RFTN1: variants seen among roughly 807,000 people sequenced by gnomAD.
RFTN1 encodes the protein raftlin.
A neutral mutation model predicts 46.5 loss-of-function variants in RFTN1; 26 were observed. That is an observed-to-expected ratio of 0.56 (90% confidence interval 0.41 to 0.78). The LOEUF (loss-of-function observed/expected upper bound fraction) is 0.78. Among genes scored for constraint, RFTN1 ranks in the 30% least tolerant of loss-of-function variants. The pLI, the probability that RFTN1 is intolerant of heterozygous loss-of-function variation, is 0.00. For missense variants in RFTN1, 693 were observed against 718.7 expected, an observed-to-expected ratio of 0.96 and a Z score of 0.41; for synonymous variants, 261 against 284.2, an observed-to-expected ratio of 0.92 and a Z score of 0.82.
At position 16,380,284 on chromosome 3, in the gene RFTN1, A is replaced by G. The variant is rs2073941389; in HGVS notation, c.442-2182T>C. ...TTGCAGTTGCACTGAAACTTAGTTT[A>G]GACATTACATATGGCAAGTGCGCCA... On this transcript the variant is annotated intron_variant, in intron 4 of 9. Coordinates refer to ENST00000334133, the MANE Select transcript of RFTN1 (RefSeq NM_015150.2). The surrounding 1 kb of genome is among the most constrained non-coding windows in gnomAD (Gnocchi z 4.8). Among the ~76,000 whole-genome samples, 1 of 152,240 alleles carries G rather than the reference A, an allele frequency of 6.6e-6. No homozygotes were observed.
At chr3:16,409,349 A>C in intron 4 of RFTN1, 26 bp downstream of exon 4, 1 of 1,496,186 alleles carries the variant, frequency 6.7e-7, no homozygotes, top group Non-Finnish European at 9.3e-7. Context: ...AAACCTCTTC[A>C]ATGGTACCCT....
intron 1 of RFTN1, among the ~76,000 whole-genome samples, chr3:16,510,524 T>C (rs1033926247): frequency 6.6e-6 from 1 of 152,228 alleles, no homozygotes; most frequent in Non-Finnish European, 1.5e-5. Flanking sequence ...AGGGACTTCC[T>C]ATGGCCCCTC....
rs567674676 is a variant in RFTN1 at position 16,475,973 on chromosome 3, A to T, written c.145+17752T>A. Among the ~76,000 whole-genome samples, 10 of 152,332 alleles carry T rather than the reference A, an allele frequency of 6.6e-5. No homozygotes were observed. Among genetic ancestry groups the T allele is most frequent in the Admixed American group, 4.6e-4 (7 of 15,306 alleles). The stretch of plus-strand genomic sequence containing the variant: ...AGTGTGAATACTGCATGAAGCATAG[A>T]CACATCATAGGCAGAAACAAAGCTG... On this transcript the variant is annotated intron_variant, in intron 2 of 9. Transcript: ENST00000334133. This position sits in a 1 kb window ranked among gnomAD's most constrained non-coding sequence, Gnocchi z 4.2.
At chr3:16,430,256 G>A (rs1439330134) in intron 3 of RFTN1, among the ~76,000 whole-genome samples, 3 of 152,048 alleles carry the variant, frequency 2.0e-5, no homozygotes, top group East Asian at 1.9e-4. Flanking sequence ...GACTACAGGC[G>A]TGCGCCACTA....
Position 16,387,570 on chromosome 3 carries a change from TTCTCTCTCTCTCTCTCTCTC to T in RFTN1, c.442-9488_442-9469del, listed in dbSNP as rs3054539. Among the ~76,000 whole-genome samples the T allele has an allele frequency of 1.7e-5, 2 of 116,418 alleles. No individual in the cohort carries two copies. Among genetic ancestry groups the T allele is most frequent in the East Asian group, 2.3e-4 (1 of 4,296 alleles). 76.4% of individuals were successfully genotyped at this position (116,418 alleles called of 152,430 possible). On this transcript the variant is annotated intron_variant, in intron 4 of 9. Transcript: ENST00000334133. This position sits in a 1 kb window ranked among gnomAD's most constrained non-coding sequence, Gnocchi z 5.2. ...CACTTCTCTCTTCTATATCCTCAAT[TTCTCTCTCTCTCTCTCTCTC>T]TCTCTCTCTCTCTCTCTCTCTACTG... is the stretch of plus-strand genomic sequence containing the variant.
intron 1 of RFTN1, among the ~76,000 whole-genome samples, chr3:16,501,806 G>C (rs2076714888): frequency 6.6e-6 from 1 of 152,156 alleles, no homozygotes; most frequent in South Asian, 2.1e-4. Flanking sequence ...GTATTCAGAT[G>C]GTGTCAGACT....
At position 16,382,834 on chromosome 3, in the gene RFTN1, G is replaced by A. The variant is rs2074038968; in HGVS notation, c.442-4732C>T. ...TTTCAAGCCCTCATCATCTGTTGCTGGACATCACCATGACCTCAGGCGATG... is the reference window on the plus strand; with the variant it reads ...TTTCAAGCCCTCATCATCTGTTGCTAGACATCACCATGACCTCAGGCGATG... On this transcript the variant is annotated intron_variant, in intron 4 of 9. Transcript: ENST00000334133. The surrounding 1 kb of genome is among the most constrained non-coding windows in gnomAD (Gnocchi z 4.7). Among the ~76,000 whole-genome samples, 1 of 152,196 alleles carries A rather than the reference G, an allele frequency of 6.6e-6. No homozygotes were observed. Among genetic ancestry groups the A allele is most frequent in the South Asian group, 2.1e-4 (1 of 4,824 alleles).
At chr3:16,365,924 C>G (rs1295168256) in intron 6 of RFTN1, among the ~76,000 whole-genome samples, 2 of 152,204 alleles carry the variant, frequency 1.3e-5, no homozygotes, top group Non-Finnish European at 2.9e-5. Flanking sequence ...GATACAGTCA[C>G]CGCAAACACC....
At position 16,329,339 on chromosome 3, in the gene RFTN1, T is replaced by G. The variant is rs2070061161; in HGVS notation, c.1147-2463A>C. Among the ~76,000 whole-genome samples, 4 of 143,556 alleles carry G rather than the reference T, an allele frequency of 2.8e-5. No individual in the cohort carries two copies. The highest frequency in any genetic ancestry group is 2.2e-4 in the South Asian group (1 of 4,446). The allele number at this position is 143,556 out of a possible 152,430, so 94.2% of individuals were successfully genotyped here. On this transcript the variant is annotated intron_variant, in intron 7 of 9. Coordinates refer to ENST00000334133, the MANE Select transcript of RFTN1 (RefSeq NM_015150.2). This position sits in a 1 kb window ranked among gnomAD's most constrained non-coding sequence, Gnocchi z 4.5. ...CAAGTGGACCGAGACAGGGCGGAAGTGGAGAAAGGGAAAGGGAAAGAGGAA... is the reference window on the plus strand; with the variant it reads ...CAAGTGGACCGAGACAGGGCGGAAGGGGAGAAAGGGAAAGGGAAAGAGGAA...
rs967255463 is a variant in RFTN1 at position 16,483,274 on chromosome 3, T to C, written c.145+10451A>G. Among the ~76,000 whole-genome samples the C allele has an allele frequency of 6.6e-6, 1 of 152,180 alleles. No homozygotes were observed. Among genetic ancestry groups the C allele is most frequent in the Non-Finnish European group, 1.5e-5 (1 of 68,026 alleles). ...CTTTAAACCAAGAATCCTCCTGTAATGCAAATAAGTACTCATCCCCTCCAA... is the reference window on the plus strand; with the variant it reads ...CTTTAAACCAAGAATCCTCCTGTAACGCAAATAAGTACTCATCCCCTCCAA... On this transcript the variant is annotated intron_variant, in intron 2 of 9. Coordinates refer to ENST00000334133, the MANE Select transcript of RFTN1 (RefSeq NM_015150.2). This position sits in a 1 kb window ranked among gnomAD's most constrained non-coding sequence, Gnocchi z 4.8.
intron 2 of RFTN1, among the ~76,000 whole-genome samples, chr3:16,482,386 T>C (rs1042615955): frequency 6.6e-5 from 10 of 152,200 alleles, no homozygotes; most frequent in African/African-American, 2.4e-4. Flanking sequence ...CCATCTATGA[T>C]TCACCAAAAC....
At chr3:16,372,491 C>T (rs2073559315) in intron 5 of RFTN1, among the ~76,000 whole-genome samples, 1 of 152,172 alleles carries the variant, frequency 6.6e-6, no homozygotes, top group Non-Finnish European at 1.5e-5. Flanking sequence ...CCACTCGCTA[C>T]AGCCTGCTAC....
intron 4 of RFTN1, among the ~76,000 whole-genome samples, chr3:16,379,510 G>C (rs1049295100): frequency 3.9e-5 from 6 of 152,196 alleles, no homozygotes; most frequent in African/African-American, 1.4e-4. Context: ...CTGGAGCCCA[G>C]AGACATTAAA....
At position 16,356,843 on chromosome 3, in the gene RFTN1, C is replaced by A. The variant is rs941379843; in HGVS notation, c.1146+1089G>T. ...AGTTCTCTATGTCCATGGCTGGGCA[C>A]GGTGGCTCACGCTGTAATCCCAGCA... On this transcript the variant is annotated intron_variant, in intron 7 of 9. Transcript: ENST00000334133. The surrounding 1 kb of genome is among the most constrained non-coding windows in gnomAD (Gnocchi z 4.9). Among the ~76,000 whole-genome samples the A allele has an allele frequency of 2.6e-5, 4 of 152,220 alleles. No individual in the cohort carries two copies. Among genetic ancestry groups the A allele is most frequent in the African/African-American group, 4.8e-5 (2 of 41,456 alleles).
chr3:16,360,804 C>T (rs1032966749), intron 6 of RFTN1, among the ~76,000 whole-genome samples: 15 of 152,154 alleles, frequency 9.9e-5, no homozygotes, highest in Middle Eastern at 3.4e-3. Flanking sequence ...ACTAGCCTGT[C>T]CCTAAAAATA....
At chr3:16,444,356 T>C (rs2075689283) in intron 2 of RFTN1, among the ~76,000 whole-genome samples, 1 of 152,250 alleles carries the variant, frequency 6.6e-6, no homozygotes, top group Non-Finnish European at 1.5e-5. Flanking sequence ...AGAAATCCTG[T>C]ATGGATTTTC....
chr3:16,403,306 T>C (rs6763099), intron 4 of RFTN1, among the ~76,000 whole-genome samples: 40,983 of 151,470 alleles, frequency 0.27, 6,554 homozygotes, highest in African/African-American at 0.44. Flanking sequence ...ATCTCAGTCC[T>C]GCCATGCACA....
intron 2 of RFTN1, among the ~76,000 whole-genome samples, chr3:16,472,799 C>T (rs537780557): frequency 1.3e-5 from 2 of 152,268 alleles, no homozygotes; most frequent in South Asian, 4.2e-4. Flanking sequence ...AGGAGTGACG[C>T]CTGAAGCTGA....
Position 16,447,301 on chromosome 3 carries a change from C to A in RFTN1, c.146-13264G>T, listed in dbSNP as rs117389913. Among the ~76,000 whole-genome samples, 462 of 152,344 alleles carry A rather than the reference C, an allele frequency of 3.0e-3. 3 individuals carry two copies. In the East Asian group the frequency reaches 0.031, roughly 10 times the overall value. On this transcript the variant is annotated intron_variant, in intron 2 of 9. Transcript: ENST00000334133. This position sits in a 1 kb window ranked among gnomAD's most constrained non-coding sequence, Gnocchi z 5.9. Reference sequence around the variant, plus strand: ...AGAACAGGACCAGACAGCTCTTGTTCTCTAAAACAGGCTTCCACAGCTGCA... The same window carrying A: ...AGAACAGGACCAGACAGCTCTTGTTATCTAAAACAGGCTTCCACAGCTGCA...
Sources: gnomAD v4.1 joint callset for allele counts (sites outside exome capture counted in the v4.1 genomes callset) on GRCh38, gnomAD v4.1.1 for gene constraint, Gnocchi (gnomAD v3.1) non-coding constraint, MANE v1.5 for transcripts, NCBI Gene and HGNC (gene_info 2026-07-23, HGNC 2026-07-21) for gene names.